Variants in LAMA4 observed in about 807,000 individuals in gnomAD.
LAMA4 encodes laminin subunit alpha 4, also known as laminin subunit alpha-4.
A neutral mutation model predicts 207.1 loss-of-function variants in LAMA4; 127 were observed. The ratio of observed to expected loss-of-function variants is 0.61; its 90% CI spans 0.53 to 0.71. The LOEUF is 0.71. Ranked by LOEUF, LAMA4 falls within the 30% of genes least tolerant of loss-of-function variation. The pLI, the probability that LAMA4 is intolerant of heterozygous loss-of-function variation, is 0.00. For synonymous variants in LAMA4, 761 were observed against 816.0 expected (o/e 0.93, Z 1.15); for missense variants, 2,093 against 2,246.5 (o/e 0.93, Z 1.38).
In LAMA4 at chr6:112,187,579, G is replaced by A. The variant is rs782335744; in HGVS notation, c.837C>T (p.Asp279=). 8 of 1,613,914 alleles carry A rather than the reference G, an allele frequency of 5.0e-6. No homozygotes were observed. Among genetic ancestry groups the A allele is most frequent in the South Asian group, 2.2e-5 (2 of 91,056 alleles). ...PTISCDKCVW[D]LTDDLRLAAL... ...CTGCTAACCGCAGGTCATCAGTCAG[G>A]TCCCAGACGCACTTATCACAGCCTG... The change falls in exon 8 of 39, where the codon GAC becomes GAT. Residue 279 remains aspartate, a synonymous_variant. Transcript: ENST00000230538.
At chr6:112,242,874 T>A (rs1554187938) in intron 2 of LAMA4, among the ~76,000 whole-genome samples, 1 of 152,234 alleles carries the variant, frequency 6.6e-6, no homozygotes, top group Admixed American at 6.5e-5. Flanking sequence ...TTTATAATGA[T>A]TAATAATCTG....
intron 6 of LAMA4, among the ~76,000 whole-genome samples, chr6:112,190,417 T>G (rs764071): frequency 0.6 from 91,085 of 151,962 alleles, 29,072 homozygotes; most frequent in African/African-American, 0.83. Flanking sequence ...GCATTTTTTT[T>G]ATTTAAAACT....
intron 24 of LAMA4, among the ~76,000 whole-genome samples, chr6:112,138,348 T>C (rs7765769): frequency 0.5 from 75,427 of 151,900 alleles, 19,124 homozygotes; most frequent in South Asian, 0.71. Flanking sequence ...TTTTGTGAGG[T>C]GTCTTGTCTA....
chr6:112,141,781 A>G (rs1455791541), intron 20 of LAMA4, among the ~76,000 whole-genome samples: 1 of 152,144 alleles, frequency 6.6e-6, no homozygotes, highest in Non-Finnish European at 1.5e-5. Flanking sequence ...GGAATATAAT[A>G]CAGCCTGACA....
Position 112,139,873 on chromosome 6 carries a change from A to T in LAMA4, c.2989T>A (p.Leu997Ile). 6.2e-7 allele frequency: 1 copy of T among 1,614,092 alleles called. No individual in the cohort carries two copies. The highest frequency in any genetic ancestry group is 1.1e-5 in the South Asian group (1 of 91,078). Residue 997 changes from leucine to isoleucine, a missense_variant, in exon 23 of 39, where the codon TTA becomes ATA. Transcript: ENST00000230538. ...VPSNFKLPTSLNLPGFVGCLE... is the reference protein window; with the variant it reads ...VPSNFKLPTSINLPGFVGCLE... ...CAGCCAACAAAGCCAGGCAGGTTTAAGCTGGTAGGGAGCTATGCAATAGAA... is the reference window on the plus strand; with the variant it reads ...CAGCCAACAAAGCCAGGCAGGTTTATGCTGGTAGGGAGCTATGCAATAGAA...
intron 13 of LAMA4, among the ~76,000 whole-genome samples, chr6:112,162,662 T>C (rs1467937558): frequency 1.3e-5 from 2 of 152,084 alleles, no homozygotes; most frequent in Non-Finnish European, 2.9e-5. Context: ...CATGTCAAGT[T>C]TGATATGTCT....
intron 6 of LAMA4, among the ~76,000 whole-genome samples, chr6:112,190,168 T>A (rs1213069129): frequency 2.6e-5 from 4 of 152,216 alleles, no homozygotes; most frequent in Non-Finnish European, 5.9e-5. Flanking sequence ...CTTCCAAGAG[T>A]GACCTGCATC....
chr6:112,121,822 T>C (rs1280859731), intron 32 of LAMA4, 192 bp downstream of exon 32: 9 of 569,242 alleles, frequency 1.6e-5, no homozygotes, highest in Admixed American at 8.4e-5. Context: ...AACCTTACAA[T>C]TGGAAAGTCA....
intron 14 of LAMA4, among the ~76,000 whole-genome samples, chr6:112,156,779 T>G (rs1780742897): frequency 6.6e-6 from 1 of 152,162 alleles, no homozygotes; most frequent in Admixed American, 6.5e-5. Context: ...TTCCTCAATC[T>G]CCAGCATCCA....
chr6:112,111,953 G>A (rs1213608528), intron 38 of LAMA4, among the ~76,000 whole-genome samples: 1 of 152,102 alleles, frequency 6.6e-6, no homozygotes, highest in African/African-American at 2.4e-5. Context: ...AGTACGTTGG[G>A]TGGCATAGTG....
At chr6:112,156,259 A>G (rs1265987029) in intron 14 of LAMA4, among the ~76,000 whole-genome samples, 1 of 152,036 alleles carries the variant, frequency 6.6e-6, no homozygotes, top group African/African-American at 2.4e-5. Context: ...TTCACACGAT[A>G]GTCTCTGCCT....
chr6:112,241,773 G>C (rs1369838733), intron 2 of LAMA4, among the ~76,000 whole-genome samples: 1 of 152,188 alleles, frequency 6.6e-6, no homozygotes, highest in Non-Finnish European at 1.5e-5. Flanking sequence ...CGTCGGCTCT[G>C]ATAGAGAAGG....
chr6:112,117,595 G>A lies in LAMA4; in HGVS notation c.4981+144C>T. 1.3e-6 allele frequency: 1 copy of A among 754,468 alleles called. No homozygotes were observed. Among genetic ancestry groups the A allele is most frequent in the East Asian group, 2.7e-5 (1 of 36,486 alleles). The allele number at this position is 754,468 out of a possible 1,614,324, so 46.7% of individuals were successfully genotyped here. On this transcript the variant is annotated intron_variant, in intron 35 of 38. Coordinates refer to ENST00000230538, the MANE Select transcript of LAMA4 (RefSeq NM_001105206.3). This position sits in a 1 kb window ranked among gnomAD's most constrained non-coding sequence, Gnocchi z 4.5. ...TGTATGGTTTGGAGTGCAGGAGGGA[G>A]AAAGGTGGTTCTTGTGGGAAGAGGT...
chr6:112,162,328 C>G (rs782466423), intron 13 of LAMA4: 1 of 151,836 alleles, frequency 6.6e-6, no homozygotes, highest in Non-Finnish European at 1.5e-5. Flanking sequence ...AAAAATTAGC[C>G]GGGCATGGTG....
At chr6:112,157,674 A>G (rs1554337326) in intron 14 of LAMA4, among the ~76,000 whole-genome samples, 2 of 152,206 alleles carry the variant, frequency 1.3e-5, no homozygotes, top group African/African-American at 4.8e-5. Flanking sequence ...ATCCCAATGA[A>G]TGGGATGTAG....
intron 2 of LAMA4, among the ~76,000 whole-genome samples, chr6:112,238,266 T>C (rs782555649): frequency 1.3e-5 from 2 of 152,216 alleles, no homozygotes; most frequent in Non-Finnish European, 2.9e-5. Flanking sequence ...CTTTGTAGGA[T>C]ACTTGGCACT....
chr6:112,247,845 C>A (rs1197832685), intron 2 of LAMA4, among the ~76,000 whole-genome samples: 1 of 152,122 alleles, frequency 6.6e-6, no homozygotes, highest in Non-Finnish European at 1.5e-5. Flanking sequence ...CCCAAATGTC[C>A]ATCAACAAAA....
intron 5 of LAMA4, chr6:112,196,298 C>T (rs1255939795): frequency 4.0e-5 from 6 of 151,466 alleles, no homozygotes; most frequent in African/African-American, 7.3e-5. Flanking sequence ...AGTTTGTGTC[C>T]GTTAACCAGC....
chr6:112,155,600 C>T lies in LAMA4; in HGVS notation c.1924G>A (p.Glu642Lys). The T allele has an allele frequency of 6.2e-7, 1 of 1,614,160 alleles. No homozygotes were observed. The highest frequency in any genetic ancestry group is 1.1e-5 in the South Asian group (1 of 91,080). Residue 642 changes from glutamate (E) to lysine (K), a missense_variant, in exon 15 of 39, where the codon GAA becomes AAA. Around this residue, in one of 3 missense-constraint regions of LAMA4, gnomAD observed 1,704 missense variants for 1,788.4 expected, o/e 0.95. Coordinates refer to ENST00000230538, the MANE Select transcript of LAMA4 (RefSeq NM_001105206.3). ...NYVSEANETA[E>K]FALNTTDRIY... is the part of the protein sequence containing the mutation. ...CGGTCAGTGGTGTTCAAAGCAAATTCTGCTGTTTCATTGGCTTCACTAACA... is the reference window on the plus strand; with the variant it reads ...CGGTCAGTGGTGTTCAAAGCAAATTTTGCTGTTTCATTGGCTTCACTAACA...
Sources: allele counts gnomAD v4.1 joint callset (sites outside exome capture counted in the v4.1 genomes callset), GRCh38; gene constraint gnomAD v4.1.1; regional missense constraint gnomAD v4.1.1; non-coding constraint Gnocchi (gnomAD v3.1); transcripts MANE v1.5; gene names NCBI Gene and HGNC (gene_info 2026-07-23, HGNC 2026-07-21).